DNAH11: variants seen among roughly 807,000 people sequenced by gnomAD.
The protein encoded by DNAH11 is axonemal beta dynein heavy chain 11.
In DNAH11, 442 loss-of-function variants were observed where a neutral mutation model predicts 526.0. The ratio of observed to expected loss-of-function variants is 0.84; its 90% confidence interval spans 0.78 to 0.91. The LOEUF is 0.91. DNAH11 is among the 40% of genes least tolerant of loss of function. The pLI is 0.00. For missense variants in DNAH11, 6,989 were observed against 5,448.7 expected, an observed-to-expected ratio of 1.28 and a Z score of -8.90; for synonymous variants, 2,461 against 1,935.9, an observed-to-expected ratio of 1.27 and a Z score of -7.12.
intron 63 of DNAH11, among the ~76,000 whole-genome samples, chr7:21,814,354 TTTTTTATTTTTTTA>T (rs1562562380): frequency 1.5e-4 from 22 of 151,424 alleles, no homozygotes; most frequent in African/African-American, 5.1e-4. Flanking sequence ...TATTTATTTT[TTTTTTATTTTTTTA>T]TTTTTATTTT....
chr7:21,712,018 A>G (rs559644936), intron 42 of DNAH11, among the ~76,000 whole-genome samples, 158 bp downstream of exon 42: 2 of 152,268 alleles, frequency 1.3e-5, no homozygotes, highest in Admixed American at 1.3e-4. Flanking sequence ...CTCTTTATCC[A>G]TTAAACAATA....
intron 68 of DNAH11, among the ~76,000 whole-genome samples, chr7:21,854,689 T>C (rs1035011258): frequency 6.6e-6 from 1 of 151,696 alleles, no homozygotes; most frequent in South Asian, 2.1e-4. Flanking sequence ...ACTACAGGAG[T>C]GCGCCACCAC....
intron 30 of DNAH11, among the ~76,000 whole-genome samples, chr7:21,678,998 G>A (rs1783029438): frequency 5.3e-5 from 8 of 152,050 alleles, no homozygotes; most frequent in Admixed American, 5.2e-4. Context: ...TTAATAGATG[G>A]ATAAAGAAAA....
intron 45 of DNAH11, among the ~76,000 whole-genome samples, chr7:21,734,159 T>G (rs1243911181): frequency 2.0e-5 from 3 of 152,202 alleles, no homozygotes; most frequent in African/African-American, 7.2e-5. Flanking sequence ...CACTTACTAG[T>G]AGCTATGACC....
At chr7:21,785,636 T>G (rs1371663434) in intron 58 of DNAH11, among the ~76,000 whole-genome samples, 3 of 152,236 alleles carry the variant, frequency 2.0e-5, no homozygotes. Context: ...TTGCAAATTT[T>G]TCTCTGAATA....
At chr7:21,548,579 A>T (rs1782895110) in intron 2 of DNAH11, among the ~76,000 whole-genome samples, 3 of 152,186 alleles carry the variant, frequency 2.0e-5, no homozygotes. Flanking sequence ...AGGAAATGCC[A>T]GAGTGAAGGC....
At position 21,895,002 on chromosome 7, in the gene DNAH11, A is replaced by G; in HGVS notation, c.13049+3A>G. 1 of 1,613,056 alleles carries G rather than the reference A, an allele frequency of 6.2e-7. No homozygotes were observed. The highest frequency in any genetic ancestry group is 8.5e-7 in the Non-Finnish European group (1 of 1,179,208). On this transcript the variant is annotated splice_donor_region_variant and intron_variant, in intron 79 of 81. Transcript: ENST00000409508. ...TCTACTTATGGCCTAGCCCAGTGGT[A>G]AGCTACCCCATCCTCACTGCCACTG... is the stretch of plus-strand genomic sequence containing the variant.
chr7:21,891,175 G>C (rs1784313344), intron 76 of DNAH11, among the ~76,000 whole-genome samples: 1 of 152,116 alleles, frequency 6.6e-6, no homozygotes. Flanking sequence ...TAGTGTACTG[G>C]GTGGTGGGTA....
At chr7:21,832,209 G>A (rs1781812256) in intron 65 of DNAH11, among the ~76,000 whole-genome samples, 1 of 152,052 alleles carries the variant, frequency 6.6e-6, no homozygotes, top group South Asian at 2.1e-4. Context: ...GTATGAATTT[G>A]ATCCTGTCAT....
chr7:21,559,211 G>C (rs1783345671), intron 3 of DNAH11, among the ~76,000 whole-genome samples: 1 of 152,092 alleles, frequency 6.6e-6, no homozygotes, highest in Admixed American at 6.6e-5. Flanking sequence ...CACACCTCTA[G>C]CAAACCCATT....
chr7:21,705,687 T>C (rs983823847), intron 39 of DNAH11, 150 bp downstream of exon 39: 54 of 703,284 alleles, frequency 7.7e-5, no homozygotes, highest in Non-Finnish European at 4.8e-6. Context: ...ATCTTGCTGC[T>C]TGATCAATTG....
chr7:21,707,914 C>G, intron 40 of DNAH11, 79 bp downstream of exon 40: 2 of 1,441,160 alleles, frequency 1.4e-6, no homozygotes, highest in East Asian at 2.3e-5. Flanking sequence ...CAATTTTAGT[C>G]ATAGTCGCAG....
At chr7:21,712,052 A>G (rs1784483406) in intron 42 of DNAH11, among the ~76,000 whole-genome samples, 192 bp downstream of exon 42, 1 of 152,108 alleles carries the variant, frequency 6.6e-6, no homozygotes, top group Admixed American at 6.6e-5. Flanking sequence ...CCCTCCTCCC[A>G]GCTCTTGGCA....
chr7:21,642,821 AC>A (rs1346223375), intron 28 of DNAH11, among the ~76,000 whole-genome samples: 1 of 152,072 alleles, frequency 6.6e-6, no homozygotes, highest in Non-Finnish European at 1.5e-5. Context: ...GATAACCACT[AC>A]AACCGCCATT....
intron 68 of DNAH11, 114 bp from the exon 69 acceptor site, chr7:21,861,739 T>A: frequency 9.4e-7 from 1 of 1,067,742 alleles, no homozygotes; most frequent in African/African-American, 1.6e-5. Flanking sequence ...CTAAAAATTT[T>A]GCCTCATTCT....
chr7:21,711,816 A>T lies in DNAH11; in HGVS notation c.6939A>T (p.Arg2313Ser). The T allele has an allele frequency of 6.2e-7, 1 of 1,613,798 alleles. No homozygotes were observed. The highest frequency in any genetic ancestry group is 8.5e-7 in the Non-Finnish European group (1 of 1,179,782). The change falls in exon 42 of 82, where the codon AGA (arginine) becomes AGT (serine). Residue 2313 changes from arginine to serine, a missense_variant. Physicochemically the swap from Arg to Ser is moderately radical, Grantham distance 110. Coordinates refer to ENST00000409508, the MANE Select transcript of DNAH11 (RefSeq NM_001277115.2). ...LRSATPATVS[R>S]AGILYVNPQD... Reference sequence around the variant, plus strand: ...GCGCAACCCCGGCCACTGTTTCCAGAGCTGGTATTCTGTATGTGAACCCAC... The same window carrying T: ...GCGCAACCCCGGCCACTGTTTCCAGTGCTGGTATTCTGTATGTGAACCCAC...
At chr7:21,672,347 G>A (rs59946013) in intron 30 of DNAH11, among the ~76,000 whole-genome samples, 9,297 of 152,232 alleles carry the variant, frequency 0.061, 784 homozygotes, top group East Asian at 0.23. Flanking sequence ...GTGCAGTAAC[G>A]TGATCATAGC....
intron 51 of DNAH11, among the ~76,000 whole-genome samples, chr7:21,746,547 G>C (rs1207384867): frequency 1.3e-5 from 2 of 152,068 alleles, no homozygotes; most frequent in Non-Finnish European, 2.9e-5. Context: ...AGGTTGCAGT[G>C]GGCTAGGATT....
chr7:21,627,088 C>T (rs934740252), intron 25 of DNAH11, among the ~76,000 whole-genome samples: 2 of 152,016 alleles, frequency 1.3e-5, no homozygotes, highest in Non-Finnish European at 2.9e-5. Context: ...AAATATTTTG[C>T]CCATTTTAAA....
Sources: allele counts gnomAD v4.1 joint callset (sites outside exome capture counted in the v4.1 genomes callset), GRCh38; gene constraint gnomAD v4.1.1; transcripts MANE v1.5; gene names NCBI Gene and HGNC (gene_info 2026-07-23, HGNC 2026-07-21).